ILF2: variants seen among roughly 807,000 people sequenced by gnomAD.
ILF2 encodes the protein interleukin enhancer binding factor 2.
In ILF2, 9 loss-of-function variants were observed where a neutral mutation model predicts 55.3. The ratio of observed to expected loss-of-function variants is 0.16; its 90% CI spans 0.10 to 0.28. The LOEUF is 0.28. ILF2 is among the 10% of genes least tolerant of loss of function. The pLI, the probability that ILF2 is intolerant of heterozygous loss-of-function variation, is 1.00. For synonymous variants in ILF2, 151 were observed against 161.8 expected (o/e 0.93, Z 0.50); for missense variants, 266 against 474.9 (o/e 0.56, Z 4.09).
chr1:153,662,485 G>T lies in ILF2; in HGVS notation c.1084C>A (p.Pro362Thr), dbSNP rs1669195410. 4 of 1,613,412 alleles carry T rather than the reference G, an allele frequency of 2.5e-6. No homozygotes were observed. In the South Asian group the frequency reaches 3.3e-5, roughly 13 times the overall value. The change falls in exon 14 of 14, where the codon CCA becomes ACA. Residue 362 changes from proline to threonine, a missense_variant. Transcript: ENST00000361891. ...TPSEKAYEKP[P>T]EKKEGEEEEE... ...TCTTCCTCTCCTTCCTTCTTCTCTGGTGGCTTCTCATAAGCCTTTTCTGAA... is the reference window on the plus strand; with the variant it reads ...TCTTCCTCTCCTTCCTTCTTCTCTGTTGGCTTCTCATAAGCCTTTTCTGAA...
chr1:153,662,261 C>T lies in ILF2; in HGVS notation c.*135G>A, dbSNP rs748597050. 1 of 1,095,278 alleles carries T rather than the reference C, an allele frequency of 9.1e-7. No homozygotes were observed. The allele number at this position is 1,095,278 out of a possible 1,614,324, so 67.8% of individuals were successfully genotyped here. A position where few individuals can be genotyped will look rare whatever the true frequency, so the allele number is the denominator to read the frequency against. On this transcript the variant is annotated 3_prime_UTR_variant, in exon 14 of 14. Coordinates refer to ENST00000361891, the MANE Select transcript of ILF2 (RefSeq NM_004515.4). ...CCAATATCAAAACCCAGTGGAATGA[C>T]ACTTCTATGGAGTTTACTTTTCTTC...
chr1:153,669,693 C>A (rs1171466292), intron 3 of ILF2, 143 bp downstream of exon 3: 1 of 721,016 alleles, frequency 1.4e-6, no homozygotes, highest in Admixed American at 2.2e-5. Flanking sequence ...CCATCTGCCT[C>A]GGCCTCCCAA....
At chr1:153,666,835 T>C (rs1017293755) in intron 6 of ILF2, among the ~76,000 whole-genome samples, 7 of 152,186 alleles carry the variant, frequency 4.6e-5, no homozygotes, top group Admixed American at 4.6e-4. Context: ...AAAAAACATT[T>C]GTCAGGCAGG....
At chr1:153,669,667 C>T (rs1019504063) in intron 3 of ILF2, among the ~76,000 whole-genome samples, 169 bp downstream of exon 3, 2 of 152,142 alleles carry the variant, frequency 1.3e-5, no homozygotes, top group African/African-American at 4.8e-5. Context: ...TCTCAAACTC[C>T]TGACCTTCAG....
chr1:153,665,287 A>G lies in ILF2; in HGVS notation c.510T>C (p.Asp170=). The G allele has an allele frequency of 6.2e-7, 1 of 1,613,974 alleles. No individual in the cohort carries two copies. Among genetic ancestry groups the G allele is most frequent in the Non-Finnish European group, 8.5e-7 (1 of 1,179,812 alleles). ...NETGFEISSS[D]ATVKILITTV... is the part of the protein sequence containing the mutation. ...TTGTAATGAGAATCTTCACTGTAGCATCAGAAGAACTGATTTCAAAGCCAG... is the reference window on the plus strand; with the variant it reads ...TTGTAATGAGAATCTTCACTGTAGCGTCAGAAGAACTGATTTCAAAGCCAG... The change falls in exon 8 of 14, where the codon GAT becomes GAC. Residue 170 remains aspartate (D), a synonymous_variant. Coordinates refer to ENST00000361891, the MANE Select transcript of ILF2 (RefSeq NM_004515.4).
In ILF2 at chr1:153,661,793, T is replaced by TTGA. The variant is rs1440243561; in HGVS notation, c.*600_*602dup. 2 of 156,352 alleles carry TTGA rather than the reference T, an allele frequency of 1.3e-5. No individual in the cohort carries two copies. Among genetic ancestry groups the TTGA allele is most frequent in the Non-Finnish European group, 1.4e-5 (1 of 70,512 alleles). 9.7% of individuals were successfully genotyped at this position (156,352 alleles called of 1,614,324 possible). On this transcript the variant is annotated 3_prime_UTR_variant, in exon 14 of 14. Coordinates refer to ENST00000361891, the MANE Select transcript of ILF2 (RefSeq NM_004515.4). ...CACTGGCTTGAATACAGTAGCAGTG[T>TTGA]TGATAGAATCATTTTATTCAATAAA...
Position 153,662,322 on chromosome 1 carries a change from C to T in ILF2, c.*74G>A. 1 of 1,584,682 alleles carries T rather than the reference C, an allele frequency of 6.3e-7. No individual in the cohort carries two copies. The highest frequency in any genetic ancestry group is 8.6e-7 in the Non-Finnish European group (1 of 1,164,688). ...CCCTATCCCACGGAAATGTCTGTCA[C>T]CATGTAAAGCCCAGTAGCAGGCAGC... is the stretch of plus-strand genomic sequence containing the variant. On this transcript the variant is annotated 3_prime_UTR_variant, in exon 14 of 14. Coordinates refer to ENST00000361891, the MANE Select transcript of ILF2 (RefSeq NM_004515.4).
At position 153,670,945 on chromosome 1, in the gene ILF2, G is replaced by T. The variant is rs148808005; in HGVS notation, c.-23C>A. ...CATGGCGCCTTAAAACACGAACAAT[G>T]GAGGCCGCACCAACCGCCCCTTCCT... On this transcript the variant is annotated 5_prime_UTR_variant, in exon 1 of 14. Coordinates refer to ENST00000361891, the MANE Select transcript of ILF2 (RefSeq NM_004515.4). 1 of 1,614,178 alleles carries T rather than the reference G, an allele frequency of 6.2e-7. No individual in the cohort carries two copies. The highest frequency in any genetic ancestry group is 2.2e-5 in the East Asian group (1 of 44,888).
At position 153,664,389 on chromosome 1, in the gene ILF2, G is replaced by T; in HGVS notation, c.656+7C>A. The T allele has an allele frequency of 1.2e-6, 2 of 1,609,308 alleles. No individual in the cohort carries two copies. The highest frequency in any genetic ancestry group is 1.7e-6 in the Non-Finnish European group (2 of 1,175,656). On this transcript the variant is annotated splice_region_variant and intron_variant, in intron 9 of 13. Transcript: ENST00000361891. ...ATCTTAATCCAAATGGTTAGAGAGG[G>T]ACTCACGTGGACTGAGAAGCATTTT... is the stretch of plus-strand genomic sequence containing the variant.
At chr1:153,664,785 T>C (rs980811774) in intron 8 of ILF2, among the ~76,000 whole-genome samples, 2 of 152,236 alleles carry the variant, frequency 1.3e-5, no homozygotes, top group African/African-American at 4.8e-5. Flanking sequence ...CTCCAACTCC[T>C]GACCTCAGGT....
rs1486550062 is a variant in ILF2, at chr1:153,662,730, G to C, written c.987C>G (p.Ile329Met). Reference protein sequence around the residue: ...RILSHGGFRKILGQEGDASYL... With the variant: ...RILSHGGFRKMLGQEGDASYL... ...AGCTGGCATCACCCTCCTGGCCAAGGATCTTCCTAAAGCCACCATGTGAGA... is the reference window on the plus strand; with the variant it reads ...AGCTGGCATCACCCTCCTGGCCAAGCATCTTCCTAAAGCCACCATGTGAGA... The change falls in exon 13 of 14, where the codon ATC (isoleucine) becomes ATG (methionine). Residue 329 changes from isoleucine (I) to methionine (M), a missense_variant. Coordinates refer to ENST00000361891, the MANE Select transcript of ILF2 (RefSeq NM_004515.4). The C allele has an allele frequency of 6.2e-7, 1 of 1,614,146 alleles. No homozygotes were observed. The highest frequency in any genetic ancestry group is 8.5e-7 in the Non-Finnish European group (1 of 1,180,022).
chr1:153,662,808 A>C lies in ILF2; in HGVS notation c.922-13T>G. The C allele has an allele frequency of 6.2e-7, 1 of 1,608,256 alleles. No individual in the cohort carries two copies. On this transcript the variant is annotated splice_polypyrimidine_tract_variant and intron_variant, in intron 12 of 13. Transcript: ENST00000361891. ...AGCAGACCATGTCCTGAAGGAAAGC[A>C]AAGTGAGAGTAAGCAAGGAAAATCA...
chr1:153,670,858 C>G, intron 1 of ILF2, 60 bp downstream of exon 1: 1 of 1,607,802 alleles, frequency 6.2e-7, no homozygotes, highest in Non-Finnish European at 8.5e-7. Context: ...TCTTTCGGCC[C>G]ACGTTCACAA....
rs1055821866 is a variant in ILF2 at position 153,663,210 on chromosome 1, T to C, written c.806+5A>G. ...AACCAACCCTAAACCCAAAGCATGCTGTACCTGTATGCAACGTTTAGGGCC... is the reference window on the plus strand; with the variant it reads ...AACCAACCCTAAACCCAAAGCATGCCGTACCTGTATGCAACGTTTAGGGCC... On this transcript the variant is annotated splice_donor_5th_base_variant and intron_variant, in intron 11 of 13. Coordinates refer to ENST00000361891, the MANE Select transcript of ILF2 (RefSeq NM_004515.4). The C allele has an allele frequency of 5.0e-6, 8 of 1,613,676 alleles. No homozygotes were observed. Among genetic ancestry groups the C allele is most frequent in the Admixed American group, 3.3e-5 (2 of 60,000 alleles).
intron 13 of ILF2, 45 bp from the exon 14 acceptor site, chr1:153,662,601 A>C (rs759923723): frequency 6.3e-7 from 1 of 1,584,480 alleles, no homozygotes; most frequent in East Asian, 2.2e-5. Context: ...CCCAGCATAA[A>C]AGTCATTACT....
intron 8 of ILF2, 30 bp from the exon 9 acceptor site, chr1:153,664,504 G>C: frequency 1.3e-6 from 2 of 1,550,426 alleles, no homozygotes; most frequent in Non-Finnish European, 1.8e-6. Flanking sequence ...ATGCCAGGAT[G>C]AAACATTTTC....
Position 153,670,210 on chromosome 1 carries a change from C to G in ILF2, c.26G>C (p.Arg9Pro). The change falls in exon 2 of 14, where the codon CGT becomes CCT. Residue 9 changes from arginine to proline, a missense_variant. Arg to Pro is a moderately radical substitution (Grantham distance 103). Transcript: ENST00000361891. Reference sequence around the variant, plus strand: ...TCCTCTGGAACCAAAGCGCCCACCACGACCACGGCCTCTGTCACCCCTAGA... The same window carrying G: ...TCCTCTGGAACCAAAGCGCCCACCAGGACCACGGCCTCTGTCACCCCTAGA... MRGDRGRG[R>P]GGRFGSRGGP... is the part of the protein sequence containing the mutation. The G allele has an allele frequency of 6.2e-7, 1 of 1,614,102 alleles. No homozygotes were observed. The highest frequency in any genetic ancestry group is 8.5e-7 in the Non-Finnish European group (1 of 1,180,022).
At chr1:153,667,460 C>T (rs772730826) in intron 6 of ILF2, 95 bp downstream of exon 6, 27 of 877,602 alleles carry the variant, frequency 3.1e-5, no homozygotes, top group Non-Finnish European at 5.0e-5. Context: ...GCCTGGCCAA[C>T]GGAGGGAGAA....
chr1:153,666,923 A>T (rs1357849192), intron 6 of ILF2, among the ~76,000 whole-genome samples: 1 of 151,950 alleles, frequency 6.6e-6, no homozygotes, highest in African/African-American at 2.4e-5. Flanking sequence ...GGAGTTTGAG[A>T]CCAGACTAGC....
Sources: allele counts gnomAD v4.1 joint callset (sites outside exome capture counted in the v4.1 genomes callset), GRCh38; gene constraint gnomAD v4.1.1; transcripts MANE v1.5; gene names NCBI Gene and HGNC (gene_info 2026-07-23, HGNC 2026-07-21).